Variants in CTIF observed in about 807,000 individuals in gnomAD.
The protein encoded by CTIF is CBP80/20-dependent translation initiation factor.
CTIF carries 21 observed loss-of-function variants against 66.0 expected under a neutral mutation model. The ratio of observed to expected loss-of-function variants is 0.32; its 90% CI spans 0.23 to 0.46. The LOEUF (loss-of-function observed/expected upper bound fraction) is 0.46. Ranked by LOEUF, CTIF falls within the 20% of genes least tolerant of loss-of-function variation. The pLI, the probability that CTIF is intolerant of heterozygous loss-of-function variation, is 1.00. For missense variants in CTIF, 739 were observed against 812.7 expected (o/e 0.91, Z 1.10); for synonymous variants, 345 against 326.4 (o/e 1.06, Z -0.62).
chr18:48,719,070 AG>A, intron 7 of CTIF, among the ~76,000 whole-genome samples: 1 of 152,226 alleles, frequency 6.6e-6, no homozygotes. Context: ...CTGCCCCATC[AG>A]TAGCCTCATG....
In CTIF at chr18:48,812,753, C is replaced by CAA. The variant is rs751864883; in HGVS notation, c.1372-4452_1372-4451dup. 3.6e-3 allele frequency among the ~76,000 whole-genome samples: 243 copies of CAA among 67,670 alleles called. 1 individual carries two copies. Among genetic ancestry groups the CAA allele is most frequent in the African/African-American group, 0.011 (220 of 20,436 alleles). The allele number at this position is 67,670 out of a possible 152,430, so 44.4% of individuals were successfully genotyped here. A position where few individuals can be genotyped will look rare whatever the true frequency, so the allele number is the denominator to read the frequency against. On this transcript the variant is annotated intron_variant, in intron 9 of 11. Coordinates refer to ENST00000256413, the MANE Select transcript of CTIF (RefSeq NM_014772.3). Reference sequence around the variant, plus strand: ...TGGGCAACAAAGCGAGACCCTGTCTCAAAAAAAAAAAAAAAAATGAAAAAA... The same window carrying CAA: ...TGGGCAACAAAGCGAGACCCTGTCTCAAAAAAAAAAAAAAAAAAATGAAAAAA...
Position 48,632,019 on chromosome 18 carries a change from C to G in CTIF, c.181-4595C>G, listed in dbSNP as rs535886247. Reference sequence around the variant, plus strand: ...TTTCTGGAGATTTTCTAGGCGGTGTCTCAGAGAAGGCAAACGGGAGGCAGG... The same window carrying G: ...TTTCTGGAGATTTTCTAGGCGGTGTGTCAGAGAAGGCAAACGGGAGGCAGG... On this transcript the variant is annotated intron_variant, in intron 2 of 11. Transcript: ENST00000256413. Among the ~76,000 whole-genome samples the G allele has an allele frequency of 1.7e-4, 26 of 152,254 alleles. No homozygotes were observed. The South Asian group carries it at 4.8e-3, about 28-fold the overall frequency.
At chr18:48,681,575 A>T (rs1252736591) in intron 6 of CTIF, among the ~76,000 whole-genome samples, 1 of 152,120 alleles carries the variant, frequency 6.6e-6, no homozygotes, top group East Asian at 1.9e-4. Flanking sequence ...TCCTTCACTG[A>T]TTCTCAGGGC....
intron 1 of CTIF, among the ~76,000 whole-genome samples, chr18:48,576,133 C>A (rs1439307685): frequency 6.6e-6 from 1 of 152,242 alleles, no homozygotes; most frequent in Admixed American, 6.5e-5. Flanking sequence ...TGCCCTGGCC[C>A]GAGAGGCGCC....
chr18:48,687,856 A>G (rs2091867537), intron 6 of CTIF, among the ~76,000 whole-genome samples: 1 of 152,158 alleles, frequency 6.6e-6, no homozygotes, highest in Non-Finnish European at 1.5e-5. Context: ...CTTTGCCGTT[A>G]CTAAGAAATG....
At chr18:48,765,280 G>A (rs966172836) in intron 9 of CTIF, among the ~76,000 whole-genome samples, 2 of 152,180 alleles carry the variant, frequency 1.3e-5, no homozygotes, top group South Asian at 2.1e-4. Flanking sequence ...TTTGCACTCA[G>A]CTCCATCCAC....
chr18:48,618,472 G>C lies in CTIF; in HGVS notation c.-28-1066G>C, dbSNP rs148597448. On this transcript the variant is annotated intron_variant, in intron 1 of 11. Coordinates refer to ENST00000256413, the MANE Select transcript of CTIF (RefSeq NM_014772.3). Reference sequence around the variant, plus strand: ...ATCAGGATCTTCCATGGAAATCACAGGTCTCCAGATAATAAAAGAGGCACA... The same window carrying C: ...ATCAGGATCTTCCATGGAAATCACACGTCTCCAGATAATAAAAGAGGCACA... Among the ~76,000 whole-genome samples, 61 of 152,322 alleles carry C rather than the reference G, an allele frequency of 4.0e-4. No homozygotes were observed. The East Asian group carries it at 0.011, about 28-fold the overall frequency.
At chr18:48,744,224 C>T (rs1282023452) in intron 7 of CTIF, among the ~76,000 whole-genome samples, 1 of 152,166 alleles carries the variant, frequency 6.6e-6, no homozygotes, top group Non-Finnish European at 1.5e-5. Context: ...GTAGCGCCAT[C>T]CTACGGTGAG....
At chr18:48,619,923 C>T (rs546776081) in intron 2 of CTIF, among the ~76,000 whole-genome samples, 178 bp downstream of exon 2, 5 of 152,310 alleles carry the variant, frequency 3.3e-5, no homozygotes, top group African/African-American at 4.8e-5. Context: ...AGGAAGTGCC[C>T]TGGCTGTGCA....
intron 6 of CTIF, among the ~76,000 whole-genome samples, chr18:48,687,812 CCT>C (rs1317067533): frequency 2.6e-5 from 4 of 152,218 alleles, no homozygotes; most frequent in Non-Finnish European, 5.9e-5. Context: ...GTTGCTGGCA[CCT>C]CTGTCTCTGC....
chr18:48,830,263 C>G (rs1324959729), intron 10 of CTIF, among the ~76,000 whole-genome samples: 1 of 152,176 alleles, frequency 6.6e-6, no homozygotes, highest in Non-Finnish European at 1.5e-5. Flanking sequence ...CTGCCAGAGT[C>G]AAGGATTCTC....
At chr18:48,801,848 G>A (rs182145438) in intron 9 of CTIF, among the ~76,000 whole-genome samples, 11 of 152,312 alleles carry the variant, frequency 7.2e-5, no homozygotes, top group East Asian at 5.8e-4. Context: ...GGCAGAAACC[G>A]TGGAGAAGAC....
In CTIF at chr18:48,600,940, T is replaced by G. The variant is rs907537; in HGVS notation, c.-28-18598T>G. Among the ~76,000 whole-genome samples, 7 of 152,292 alleles carry G rather than the reference T, an allele frequency of 4.6e-5. No homozygotes were observed. The South Asian group carries it at 1.5e-3, about 32-fold the overall frequency. On this transcript the variant is annotated intron_variant, in intron 1 of 11. Transcript: ENST00000256413. ...ATGTCCCTGGTGAGAATGTTAAGCT[T>G]GTTGAAATCTGAGAGGCGCCTCCTT...
Position 48,761,552 on chromosome 18 carries a change from G to A in CTIF, c.1234G>A (p.Glu412Lys), listed in dbSNP as rs773426583. Reference sequence around the variant, plus strand: ...CACCAACTCCGAGGAGATGCTGGGCGAGATCGTGCGCACAATCTACCAGAA... The same window carrying A: ...CACCAACTCCGAGGAGATGCTGGGCAAGATCGTGCGCACAATCTACCAGAA... ...NSTNSEEMLG[E>K]IVRTIYQKAV... The change falls in exon 9 of 12, where the codon GAG (glutamate) becomes AAG (lysine). Residue 412 changes from glutamate to lysine, a missense_variant. Glu to Lys is a moderately conservative substitution (Grantham distance 56). Coordinates refer to ENST00000256413, the MANE Select transcript of CTIF (RefSeq NM_014772.3). The surrounding 1 kb of genome is among the most constrained non-coding windows in gnomAD (Gnocchi z 4.2). 4 of 1,614,220 alleles carry A rather than the reference G, an allele frequency of 2.5e-6. No individual in the cohort carries two copies. Among genetic ancestry groups the A allele is most frequent in the Non-Finnish European group, 2.5e-6 (3 of 1,180,036 alleles).
intron 10 of CTIF, among the ~76,000 whole-genome samples, chr18:48,842,423 A>T (rs1456870610): frequency 6.6e-6 from 1 of 152,160 alleles, no homozygotes; most frequent in Non-Finnish European, 1.5e-5. Context: ...GAATACGGGA[A>T]TATATTATAG....
chr18:48,801,568 T>A (rs1001428813), intron 9 of CTIF, among the ~76,000 whole-genome samples: 3 of 152,202 alleles, frequency 2.0e-5, no homozygotes, highest in African/African-American at 7.2e-5. Flanking sequence ...TCAGGCCGAG[T>A]CATTCTGGAA....
chr18:48,650,009 C>A (rs2091125947), intron 3 of CTIF, among the ~76,000 whole-genome samples: 1 of 152,222 alleles, frequency 6.6e-6, no homozygotes, highest in Non-Finnish European at 1.5e-5. Context: ...GATAAAACCA[C>A]AAAGATAGGG....
intron 1 of CTIF, among the ~76,000 whole-genome samples, chr18:48,593,878 C>T (rs1475587479): frequency 6.6e-6 from 1 of 152,076 alleles, no homozygotes; most frequent in Non-Finnish European, 1.5e-5. Context: ...GGGCCAGGCC[C>T]AGTGATGCTG....
chr18:48,737,170 G>C (rs8088094), intron 7 of CTIF, among the ~76,000 whole-genome samples: 1 of 152,066 alleles, frequency 6.6e-6, no homozygotes, highest in Non-Finnish European at 1.5e-5. Flanking sequence ...GGCCGGGAGT[G>C]GGTTTGGGTC....
Sources: gnomAD v4.1 joint callset for allele counts (sites outside exome capture counted in the v4.1 genomes callset) on GRCh38, gnomAD v4.1.1 for gene constraint, Gnocchi (gnomAD v3.1) non-coding constraint, MANE v1.5 for transcripts, NCBI Gene and HGNC (gene_info 2026-07-23, HGNC 2026-07-21) for gene names.